ZNF600: variants seen among roughly 807,000 people sequenced by gnomAD.
The protein encoded by ZNF600 is zinc finger protein KR-ZNF1.
ZNF600 carries 4 observed loss-of-function variants against 7.3 expected under a neutral mutation model. The observed-to-expected ratio is 0.55, with a 90% CI of 0.27 to 1.25. ZNF600 has a LOEUF of 1.25. ZNF600 is among the 50% of genes most tolerant of loss of function. ZNF600 has a pLI of 0.12. For synonymous variants in ZNF600, 290 were observed against 308.9 expected (o/e 0.94, Z 0.64); for missense variants, 911 against 922.1 (o/e 0.99, Z 0.16).
At chr19:52,789,790 A>C (rs2062786706), upstream of ZNF600, among the ~76,000 whole-genome samples, 1 of 152,234 alleles carries the variant, frequency 6.6e-6, no homozygotes, top group Admixed American at 6.5e-5. Context: ...ATTCGTGTGA[A>C]GAGACCACCA....
intron 3 of ZNF600, among the ~76,000 whole-genome samples, chr19:52,771,537 A>C (rs989206327): frequency 6.6e-5 from 10 of 151,938 alleles, no homozygotes; most frequent in African/African-American, 2.4e-4. Flanking sequence ...GCAGTGGCGC[A>C]ATCATGGCTC....
At chr19:52,774,255 C>T (rs2062654025) in intron 3 of ZNF600, among the ~76,000 whole-genome samples, 1 of 151,198 alleles carries the variant, frequency 6.6e-6, no homozygotes, top group Non-Finnish European at 1.5e-5. Flanking sequence ...CATAGAGAAA[C>T]CCCGTCTCTA....
At chr19:52,786,841 G>A (rs2062768506), upstream of ZNF600, 3 of 280,382 alleles carry the variant, frequency 1.1e-5, no homozygotes, top group Middle Eastern at 7.8e-4. Flanking sequence ...TAGAGGCGGG[G>A]CCCCAGGCGG....
chr19:52,799,079 T>G, the ZNF600 span: 2 of 442,002 alleles, frequency 4.5e-6, no homozygotes, highest in Non-Finnish European at 8.6e-6. Context: ...GACTGACAAC[T>G]TTGTCACAGT....
intron 1 of ZNF600, among the ~76,000 whole-genome samples, chr19:52,784,690 A>G (rs1039299041): frequency 6.6e-6 from 1 of 152,208 alleles, no homozygotes; most frequent in Non-Finnish European, 1.5e-5. Flanking sequence ...AACTAATCAT[A>G]TCCAATGAAC....
the ZNF600 span, among the ~76,000 whole-genome samples, chr19:52,832,673 T>C: frequency 4.6e-4 from 70 of 152,270 alleles, no homozygotes; most frequent in African/African-American, 1.7e-3. Context: ...GAGGCTGAAG[T>C]GGGGATTACT....
chr19:52,833,114 T>C, the ZNF600 span, among the ~76,000 whole-genome samples: 51,249 of 152,078 alleles, frequency 0.34, 11,464 homozygotes, highest in African/African-American at 0.64. Flanking sequence ...ATTAAGAAAT[T>C]GGATACAAAA....
upstream of ZNF600, among the ~76,000 whole-genome samples, chr19:52,788,190 A>G (rs185306394): frequency 5.3e-5 from 8 of 152,346 alleles, no homozygotes; most frequent in Middle Eastern, 3.4e-3. Context: ...TTAAGTGAAG[A>G]TGACAAGGAC....
At chr19:52,816,236 G>T in the ZNF600 span, among the ~76,000 whole-genome samples, 77,275 of 145,682 alleles carry the variant, frequency 0.53, 25,383 homozygotes, top group Non-Finnish European at 0.68. Context: ...ATAATTGTTG[G>T]GGCTGGGCAT....
intron 1 of ZNF600, among the ~76,000 whole-genome samples, chr19:52,783,563 G>A (rs1025623845): frequency 1.6e-4 from 25 of 152,174 alleles, no homozygotes; most frequent in African/African-American, 6.0e-4. Context: ...GGGTTTCACC[G>A]TGTTAGCCAG....
intron 2 of ZNF600, among the ~76,000 whole-genome samples, chr19:52,778,201 G>A (rs1229836512): frequency 5.9e-5 from 9 of 151,844 alleles, no homozygotes; most frequent in African/African-American, 9.7e-5. Context: ...TTTAGTAGAG[G>A]TGGGGTTTCA....
the ZNF600 span, among the ~76,000 whole-genome samples, chr19:52,795,090 T>C: frequency 6.6e-6 from 1 of 152,330 alleles, no homozygotes; most frequent in Non-Finnish European, 1.5e-5. Flanking sequence ...GTCATGAACA[T>C]ATGGGCTCTG....
At chr19:52,810,034 C>T in the ZNF600 span, 50 of 738,980 alleles carry the variant, frequency 6.8e-5, no homozygotes, top group African/African-American at 7.8e-4. Context: ...GAAGAGGAGC[C>T]GCTCCAGCCC....
At chr19:52,780,024 G>C (rs1197491772) in intron 1 of ZNF600, among the ~76,000 whole-genome samples, 1 of 151,986 alleles carries the variant, frequency 6.6e-6, no homozygotes, top group Non-Finnish European at 1.5e-5. Context: ...TCAAAAAAAA[G>C]GAAACTCAAA....
the ZNF600 span, chr19:52,798,774 A>C: frequency 1.5e-6 from 1 of 671,950 alleles, no homozygotes; most frequent in Non-Finnish European, 2.6e-6. Flanking sequence ...CACTTGTAAG[A>C]TCTCTCATTA....
the ZNF600 span, chr19:52,808,135 T>A: frequency 1.2e-6 from 2 of 1,612,850 alleles, no homozygotes; most frequent in Non-Finnish European, 1.7e-6. Flanking sequence ...CAATAGACCC[T>A]GAAATGGAAA....
the ZNF600 span, among the ~76,000 whole-genome samples, chr19:52,811,828 G>A: frequency 2.8e-5 from 4 of 145,038 alleles, no homozygotes; most frequent in African/African-American, 7.9e-5. Context: ...CTGCCCGGCC[G>A]CCCCTACTGG....
the ZNF600 span, among the ~76,000 whole-genome samples, chr19:52,792,409 A>C: frequency 0.88 from 133,420 of 152,058 alleles, 58,804 homozygotes; most frequent in East Asian, 0.93. Flanking sequence ...TGAGTGCCTC[A>C]TCCAAAAGGC....
intron 2 of ZNF600, among the ~76,000 whole-genome samples, chr19:52,777,999 C>T (rs1278900054): frequency 1.3e-5 from 2 of 151,496 alleles, no homozygotes; most frequent in African/African-American, 2.4e-5. Flanking sequence ...AGCCACAGAG[C>T]GACACCTTCT....
Sources: allele counts gnomAD v4.1 joint callset (sites outside exome capture counted in the v4.1 genomes callset), GRCh38; gene constraint gnomAD v4.1.1; transcripts MANE v1.5; gene names NCBI Gene and HGNC (gene_info 2026-07-23, HGNC 2026-07-21).